Variants in HPS1 observed in about 807,000 individuals in gnomAD.
The protein encoded by HPS1 is BLOC-3 complex member HPS1.
In HPS1, 59 loss-of-function variants were observed where a neutral mutation model predicts 90.6. The observed-to-expected ratio is 0.65, with a 90% CI of 0.53 to 0.81. HPS1 has a LOEUF of 0.81. HPS1 is among the 30% of genes least tolerant of loss of function. HPS1 has a pLI of 0.00. For missense variants in HPS1, 849 were observed against 896.7 expected (o/e 0.95, Z 0.68); for synonymous variants, 388 against 384.4 (o/e 1.01, Z -0.11).
In HPS1 at chr10:98,417,415, TG is replaced by T. The variant is rs144482445; in HGVS notation, c.*148del. ...TACCTGACATGGAGGGTGGTCTAGG[TG>T]GGGTTTTAGAAGCCCTGGGGCCACC... is the stretch of plus-strand genomic sequence containing the variant. On this transcript the variant is annotated 3_prime_UTR_variant, in exon 20 of 20. Transcript: ENST00000361490. This position sits in a 1 kb window ranked among gnomAD's most constrained non-coding sequence, Gnocchi z 4.2. 283 of 627,762 alleles carry T rather than the reference TG, an allele frequency of 4.5e-4. 2 individuals are homozygous for T. In the East Asian group the frequency reaches 6.8e-3, roughly 15 times the overall value. The allele number at this position is 627,762 out of a possible 1,614,324, so 38.9% of individuals were successfully genotyped here.
Position 98,430,647 on chromosome 10 carries a change from G to A in HPS1, c.692C>T (p.Pro231Leu), listed in dbSNP as rs773953162. ...GAGGATGAGGGCAAGCAGGTCGGCCGGGCGCAGGGAGCTGGCACTGTGGCT... is the reference window on the plus strand; with the variant it reads ...GAGGATGAGGGCAAGCAGGTCGGCCAGGCGCAGGGAGCTGGCACTGTGGCT... ...YSSHSASSLR[P>L]ADLLALILLV... The change falls in exon 8 of 20, where the codon CCG becomes CTG. Residue 231 changes from proline to leucine, a missense_variant. Coordinates refer to ENST00000361490, the MANE Select transcript of HPS1 (RefSeq NM_000195.5). 44 of 1,554,458 alleles carry A rather than the reference G, an allele frequency of 2.8e-5. No homozygotes were observed. The highest frequency in any genetic ancestry group is 1.7e-4 in the Middle Eastern group (1 of 5,932).
intron 11 of HPS1, among the ~76,000 whole-genome samples, chr10:98,426,577 T>C (rs1197320379): frequency 6.6e-6 from 1 of 152,218 alleles, no homozygotes; most frequent in East Asian, 1.9e-4. Context: ...TGACGCGATT[T>C]TCCTGGGGAT....
At position 98,445,048 on chromosome 10, in the gene HPS1, C is replaced by G. The variant is rs1041293953; in HGVS notation, c.-1+252G>C. ...GGTGTCAGGTAATGAGTGCTCACCC[C>G]TTGGTGGGGGCTGGGAGGAGCTTTA... On this transcript the variant is annotated intron_variant, in intron 2 of 19. Transcript: ENST00000361490. The surrounding 1 kb of genome is among the most constrained non-coding windows in gnomAD (Gnocchi z 4.5). Among the ~76,000 whole-genome samples the G allele has an allele frequency of 6.6e-6, 1 of 152,084 alleles. No individual in the cohort carries two copies. The highest frequency in any genetic ancestry group is 2.4e-5 in the African/African-American group (1 of 41,416).
intron 1 of HPS1, among the ~76,000 whole-genome samples, chr10:98,446,103 GA>G (rs1452242057): frequency 1.3e-5 from 2 of 151,644 alleles, no homozygotes; most frequent in Non-Finnish European, 2.9e-5. Flanking sequence ...TAGAGGGCAG[GA>G]ACAACAGAAA....
rs921266307 is a variant in HPS1 at position 98,423,761 on chromosome 10, C to T, written c.1524G>A (p.Arg508=). 13 of 1,614,144 alleles carry T rather than the reference C, an allele frequency of 8.1e-6. No individual in the cohort carries two copies. The highest frequency in any genetic ancestry group is 1.1e-5 in the Non-Finnish European group (13 of 1,180,038). The part of the protein sequence containing the change: ...LPQHLQDQVQ[R]LMREKLTDWK... ...GGCCGCACTGCACTTACCGCATGAG[C>T]CTCTGCACTTGGTCCTGCAGGTGCT... Residue 508 remains arginine, a synonymous_variant, in exon 15 of 20, where the codon AGG becomes AGA. Coordinates refer to ENST00000361490, the MANE Select transcript of HPS1 (RefSeq NM_000195.5).
At chr10:98,429,307 A>C in intron 10 of HPS1, 3 of 1,392,084 alleles carry the variant, frequency 2.2e-6, no homozygotes, top group Non-Finnish European at 1.9e-6. Flanking sequence ...TGAGTCTGAG[A>C]ATGCATGTAC....
intron 18 of HPS1, among the ~76,000 whole-genome samples, chr10:98,419,593 C>T (rs1045869657): frequency 5.9e-5 from 9 of 152,128 alleles, no homozygotes; most frequent in East Asian, 1.9e-4. Context: ...GCCAGGGCCC[C>T]GAGCCACACC....
rs1847110697 is a variant in HPS1 at position 98,435,053 on chromosome 10, A to T, written c.398+219T>A. The T allele has an allele frequency of 1.7e-6, 1 of 585,282 alleles. No individual in the cohort carries two copies. The highest frequency in any genetic ancestry group is 3.0e-5 in the East Asian group (1 of 33,078). The allele number at this position is 585,282 out of a possible 1,614,324, so 36.3% of individuals were successfully genotyped here. On this transcript the variant is annotated intron_variant, in intron 5 of 19. Transcript: ENST00000361490. The surrounding 1 kb of genome is among the most constrained non-coding windows in gnomAD (Gnocchi z 4.3). ...GGCCACCAACCAGCTAGATGACCCC[A>T]GGCAAGTGAGTTCCATTCTCTGCTC...
In HPS1 at chr10:98,423,813, G is replaced by T. The variant is rs2296434; in HGVS notation, c.1472C>A (p.Pro491His). ...GGGCAGGTGTGGGCCTCCCCTGCTG[G>T]GGGCTGTGGTCAGAAAGTTCAGCCG... ...IYRLNFLTTAPSRGGPHLPQH... is the reference protein window; with the variant it reads ...IYRLNFLTTAHSRGGPHLPQH... Residue 491 changes from proline (P) to histidine (H), a missense_variant, in exon 15 of 20, where the codon CCC becomes CAC. Pro to His is a moderately conservative substitution (Grantham distance 77, BLOSUM62 -2). Coordinates refer to ENST00000361490, the MANE Select transcript of HPS1 (RefSeq NM_000195.5). 31 of 1,613,918 alleles carry T rather than the reference G, an allele frequency of 1.9e-5. No individual in the cohort carries two copies. In the South Asian group the frequency reaches 2.7e-4, roughly 14 times the overall value.
At chr10:98,431,375 T>A (rs989379026) in intron 6 of HPS1, 84 bp from the exon 7 acceptor site, 3 of 1,412,640 alleles carry the variant, frequency 2.1e-6, no homozygotes, top group Non-Finnish European at 2.9e-6. Context: ...GGACATTCAC[T>A]CTGTCCACAG....
intron 3 of HPS1, among the ~76,000 whole-genome samples, chr10:98,437,993 C>A (rs185285178): frequency 7.9e-5 from 12 of 152,292 alleles, no homozygotes; most frequent in Admixed American, 3.9e-4. Flanking sequence ...GGGCTCTTCC[C>A]CACTTTTCTT....
chr10:98,441,040 A>G (rs7071947), intron 3 of HPS1, among the ~76,000 whole-genome samples: 102,740 of 152,074 alleles, frequency 0.68, 35,428 homozygotes, highest in African/African-American at 0.81. Context: ...TGAGAACACG[A>G]GTGATGTTGA....
intron 17 of HPS1, 131 bp from the exon 18 acceptor site, chr10:98,420,289 C>T (rs1224491748): frequency 2.7e-6 from 2 of 730,134 alleles, no homozygotes; most frequent in Non-Finnish European, 5.0e-6. Context: ...AGTACCCGGG[C>T]ACTGCCTTGG....
chr10:98,429,956 C>T (rs1846184928), intron 8 of HPS1, 67 bp from the exon 9 acceptor site: 9 of 1,423,844 alleles, frequency 6.3e-6, no homozygotes, highest in Admixed American at 1.7e-5. Context: ...CCTTCTGCCT[C>T]CCAGCGCTTC....
At chr10:98,431,077 G>T in intron 7 of HPS1, 54 bp downstream of exon 7, 1 of 1,579,664 alleles carries the variant, frequency 6.3e-7, no homozygotes, top group Non-Finnish European at 8.7e-7. Context: ...AGGCCATAGG[G>T]GAGTGAGAAG....
intron 7 of HPS1, 34 bp downstream of exon 7, chr10:98,431,097 C>A (rs375885218): frequency 4.8e-5 from 77 of 1,611,742 alleles, no homozygotes; most frequent in Middle Eastern, 1.6e-4. Context: ...GGCCAGGGAG[C>A]CTTTAGCCAC....
At chr10:98,431,879 T>C (rs1365094493) in intron 6 of HPS1, among the ~76,000 whole-genome samples, 1 of 152,206 alleles carries the variant, frequency 6.6e-6, no homozygotes, top group African/African-American at 2.4e-5. Flanking sequence ...ACTGAATATA[T>C]CCAAAATATT....
At chr10:98,437,508 C>T (rs553626404) in intron 3 of HPS1, among the ~76,000 whole-genome samples, 64 of 152,274 alleles carry the variant, frequency 4.2e-4, no homozygotes, top group Non-Finnish European at 7.9e-4. Flanking sequence ...TTTGCTATAC[C>T]TTCTCTATGT....
intron 3 of HPS1, among the ~76,000 whole-genome samples, chr10:98,440,178 A>T (rs572321344): frequency 2.4e-4 from 36 of 152,202 alleles, no homozygotes; most frequent in Non-Finnish European, 4.6e-4. Context: ...GGAGATAAAA[A>T]TATTTGGTGT....
Sources: gnomAD v4.1 joint callset for allele counts (sites outside exome capture counted in the v4.1 genomes callset) on GRCh38, gnomAD v4.1.1 for gene constraint, Gnocchi (gnomAD v3.1) non-coding constraint, MANE v1.5 for transcripts, NCBI Gene and HGNC (gene_info 2026-07-23, HGNC 2026-07-21) for gene names.